Variants in GPC5 observed in about 807,000 individuals in gnomAD.
GPC5 encodes glypican-5.
Under a neutral mutation model 53.9 loss-of-function variants are expected in GPC5, and 47 were observed. That is an observed-to-expected ratio of 0.87 (90% CI 0.69 to 1.11). The LOEUF is 1.11. Ranked by LOEUF, GPC5 falls within the 50% of genes most tolerant of loss-of-function variation. GPC5 has a pLI of 0.00. For missense variants in GPC5, 748 were observed against 713.1 expected, an observed-to-expected ratio of 1.05 and a Z score of -0.56; for synonymous variants, 286 against 263.3, an observed-to-expected ratio of 1.09 and a Z score of -0.84.
intron 7 of GPC5, among the ~76,000 whole-genome samples, chr13:92,214,431 G>A (rs1303277084): frequency 3.4e-4 from 52 of 152,228 alleles, no homozygotes; most frequent in Non-Finnish European, 1.5e-5. Context: ...TCACCCTTGT[G>A]AACACTAACC....
intron 7 of GPC5, among the ~76,000 whole-genome samples, chr13:92,393,476 C>G (rs559003094): frequency 6.6e-6 from 1 of 152,092 alleles, no homozygotes; most frequent in South Asian, 2.1e-4. Context: ...ATGGCGAAAC[C>G]CTGTCTCTAC....
At chr13:91,584,318 A>G (rs2032480197) in intron 2 of GPC5, among the ~76,000 whole-genome samples, 1 of 152,220 alleles carries the variant, frequency 6.6e-6, no homozygotes, top group African/African-American at 2.4e-5. Context: ...AATACATTCA[A>G]AAACATATGA....
At chr13:92,732,841 C>T (rs1489125412) in intron 7 of GPC5, among the ~76,000 whole-genome samples, 1 of 151,652 alleles carries the variant, frequency 6.6e-6, no homozygotes, top group African/African-American at 2.4e-5. Flanking sequence ...TCCTTTGAAG[C>T]TGTCTGCCTC....
intron 2 of GPC5, among the ~76,000 whole-genome samples, chr13:91,668,414 AC>A (rs1417801142): frequency 6.6e-6 from 1 of 152,190 alleles, no homozygotes; most frequent in Non-Finnish European, 1.5e-5. Context: ...CTGTTTCCTC[AC>A]CTGCTAAATG....
In GPC5 at chr13:91,799,372, T is replaced by A. The variant is rs117898351; in HGVS notation, c.1280+42952T>A. ...AGAGGGGCAAGGGTTGAAAACTAAC[T>A]GTTGGGTCTTATGCTGACCACTCGG... On this transcript the variant is annotated intron_variant, in intron 5 of 7. Coordinates refer to ENST00000377067, the MANE Select transcript of GPC5 (RefSeq NM_004466.6). Among the ~76,000 whole-genome samples the A allele has an allele frequency of 7.6e-3, 1,150 of 152,208 alleles. 8 individuals are homozygous for A. The highest frequency in any genetic ancestry group is 0.023 in the Admixed American group (344 of 15,266).
chr13:91,432,209 G>GCTGCTGCTGCTGCTGC (rs1196894187), intron 1 of GPC5, among the ~76,000 whole-genome samples: 1 of 105,650 alleles, frequency 9.5e-6, no homozygotes, highest in African/African-American at 3.9e-5. Context: ...GCTGCTGTGT[G>GCTGCTGCTGCTGCTGC]TGTGTGTGTG....
At chr13:92,681,932 G>A (rs1887122907) in intron 7 of GPC5, among the ~76,000 whole-genome samples, 1 of 152,128 alleles carries the variant, frequency 6.6e-6, no homozygotes, top group Admixed American at 6.5e-5. Context: ...CAGTTCATTA[G>A]GCAGTCTTCA....
chr13:91,779,709 A>G (rs866309024), intron 5 of GPC5, among the ~76,000 whole-genome samples: 3 of 152,178 alleles, frequency 2.0e-5, no homozygotes, highest in African/African-American at 7.2e-5. Flanking sequence ...ACAAACATAC[A>G]TATTATCCTA....
intron 6 of GPC5, among the ~76,000 whole-genome samples, chr13:92,044,910 TATC>T (rs1371447912): frequency 6.6e-6 from 1 of 152,174 alleles, no homozygotes; most frequent in Non-Finnish European, 1.5e-5. Context: ...AAAATAATTT[TATC>T]ATGATCACTA....
chr13:92,144,040 A>G (rs941565057), intron 6 of GPC5, among the ~76,000 whole-genome samples: 4 of 152,146 alleles, frequency 2.6e-5, no homozygotes, highest in Admixed American at 6.6e-5. Flanking sequence ...GCATTGGACT[A>G]TCTTAATCAG....
At chr13:92,144,345 A>C (rs569555428) in intron 6 of GPC5, among the ~76,000 whole-genome samples, 1 of 152,186 alleles carries the variant, frequency 6.6e-6, no homozygotes, top group Non-Finnish European at 1.5e-5. Context: ...AGTTTAAATG[A>C]AACTATAAAT....
At chr13:91,653,021 T>A (rs1481539870) in intron 2 of GPC5, among the ~76,000 whole-genome samples, 1 of 152,204 alleles carries the variant, frequency 6.6e-6, no homozygotes, top group Non-Finnish European at 1.5e-5. Flanking sequence ...TATTTAAGAA[T>A]ATCTGAAGCA....
intron 6 of GPC5, among the ~76,000 whole-genome samples, chr13:91,983,608 A>G (rs2040380604): frequency 6.6e-6 from 1 of 152,142 alleles, no homozygotes. Context: ...ATTAAATAGA[A>G]TTCTCTCCAG....
chr13:92,715,084 T>A (rs1206303334), intron 7 of GPC5, among the ~76,000 whole-genome samples: 1 of 152,124 alleles, frequency 6.6e-6, no homozygotes, highest in Non-Finnish European at 1.5e-5. Context: ...AAAGAATTGG[T>A]TAAGCAACAT....
rs115723339 is a variant in GPC5 at position 91,573,371 on chromosome 13, T to C, written c.326-119816T>C. Among the ~76,000 whole-genome samples the C allele has an allele frequency of 2.4e-3, 366 of 152,310 alleles. 2 individuals carry two copies. The highest frequency in any genetic ancestry group is 8.5e-3 in the African/African-American group (352 of 41,574). On this transcript the variant is annotated intron_variant, in intron 2 of 7. Coordinates refer to ENST00000377067, the MANE Select transcript of GPC5 (RefSeq NM_004466.6). ...ACGCATACATGCAACTTGCTGAGAATCGATCATTTCTTGTGTAGTCATTAC... is the reference window on the plus strand; with the variant it reads ...ACGCATACATGCAACTTGCTGAGAACCGATCATTTCTTGTGTAGTCATTAC...
intron 7 of GPC5, among the ~76,000 whole-genome samples, chr13:92,731,552 A>C (rs1400829042): frequency 1.3e-5 from 2 of 151,434 alleles, no homozygotes; most frequent in Non-Finnish European, 1.5e-5. Context: ...TGAGGGCTTG[A>C]GTGTTCAAAT....
At chr13:92,119,527 G>A (rs1397443223) in intron 6 of GPC5, among the ~76,000 whole-genome samples, 19 of 142,692 alleles carry the variant, frequency 1.3e-4, no homozygotes, top group East Asian at 8.4e-4. Flanking sequence ...AGCCTCCCAC[G>A]TAGCTGGGAC....
intron 5 of GPC5, among the ~76,000 whole-genome samples, chr13:91,818,284 T>G (rs1254746628): frequency 6.6e-6 from 1 of 152,216 alleles, no homozygotes; most frequent in East Asian, 1.9e-4. Context: ...ATATCACAAC[T>G]GCTAGGCTAT....
chr13:92,081,050 A>G (rs748059167), intron 6 of GPC5, among the ~76,000 whole-genome samples: 1 of 152,128 alleles, frequency 6.6e-6, no homozygotes, highest in African/African-American at 2.4e-5. Context: ...AACCCTCTAT[A>G]TGCCTCTCTA....
Sources: allele counts gnomAD v4.1 joint callset (sites outside exome capture counted in the v4.1 genomes callset), GRCh38; gene constraint gnomAD v4.1.1; transcripts MANE v1.5; gene names NCBI Gene and HGNC (gene_info 2026-07-23, HGNC 2026-07-21).